The following SCFD2 variants were observed in gnomAD, a reference collection of about 807,000 sequenced individuals.
SCFD2 encodes sec1 family domain containing 2, also known as sec1 family domain-containing protein 2.
SCFD2 carries 54 observed loss-of-function variants against 58.9 expected under a neutral mutation model. That is an observed-to-expected ratio of 0.92 (90% CI 0.74 to 1.15). SCFD2 has a LOEUF of 1.15. Ranked by LOEUF, SCFD2 falls within the 50% of genes most tolerant of loss-of-function variation. The pLI, the probability that SCFD2 is intolerant of heterozygous loss-of-function variation, is 0.00. For missense variants in SCFD2, 805 were observed against 836.6 expected (o/e 0.96, Z 0.47); for synonymous variants, 321 against 335.9 (o/e 0.96, Z 0.49).
intron 3 of SCFD2, among the ~76,000 whole-genome samples, chr4:53,306,192 TTTTA>T (rs1464560068): frequency 1.3e-5 from 2 of 152,180 alleles, no homozygotes; most frequent in Non-Finnish European, 2.9e-5. Flanking sequence ...GTTTTATGTT[TTTTA>T]TTTATTTTGG....
At chr4:52,928,329 G>C (rs1719909629) in intron 5 of SCFD2, among the ~76,000 whole-genome samples, 1 of 152,144 alleles carries the variant, frequency 6.6e-6, no homozygotes, top group African/African-American at 2.4e-5. Flanking sequence ...GTGAGATTCT[G>C]TCTCAAGAAA....
At chr4:53,298,699 A>G (rs1732146616) in intron 3 of SCFD2, among the ~76,000 whole-genome samples, 2 of 152,192 alleles carry the variant, frequency 1.3e-5, no homozygotes, top group African/African-American at 2.4e-5. Context: ...ACCCCCCAGT[A>G]GCGGTGAACT....
At chr4:52,997,083 T>C (rs1270202482) in intron 5 of SCFD2, among the ~76,000 whole-genome samples, 4 of 152,224 alleles carry the variant, frequency 2.6e-5, no homozygotes, top group Non-Finnish European at 5.9e-5. Flanking sequence ...GGCCAGCTAT[T>C]GACTAGGTTT....
chr4:53,303,221 C>T (rs904592936), intron 3 of SCFD2, among the ~76,000 whole-genome samples: 1 of 152,132 alleles, frequency 6.6e-6, no homozygotes, highest in Non-Finnish European at 1.5e-5. Context: ...TGGCTAATAT[C>T]CAGAATGTAC....
chr4:53,141,327 C>A (rs536491383), intron 5 of SCFD2, among the ~76,000 whole-genome samples: 15 of 152,158 alleles, frequency 9.9e-5, no homozygotes, highest in Admixed American at 2.0e-4. Context: ...ATACATATAT[C>A]TCTCTAATTG....
intron 4 of SCFD2, among the ~76,000 whole-genome samples, chr4:53,176,720 C>A (rs1316728459): frequency 6.6e-6 from 1 of 152,112 alleles, no homozygotes; most frequent in African/African-American, 2.4e-5. Context: ...GAGTCCAAGG[C>A]GGGTGAATCA....
At chr4:53,228,838 T>A (rs1425891557) in intron 4 of SCFD2, among the ~76,000 whole-genome samples, 1 of 152,218 alleles carries the variant, frequency 6.6e-6, no homozygotes, top group Non-Finnish European at 1.5e-5. Flanking sequence ...ATTGTCCCTG[T>A]TTGCAGATGA....
chr4:53,296,054 G>A (rs530590959), intron 3 of SCFD2, among the ~76,000 whole-genome samples: 6 of 152,058 alleles, frequency 3.9e-5, no homozygotes, highest in South Asian at 2.1e-4. Flanking sequence ...TTTTATTGAC[G>A]ATTTTCACAT....
At chr4:53,190,342 TCTC>T (rs1727856445) in intron 4 of SCFD2, among the ~76,000 whole-genome samples, 1 of 152,130 alleles carries the variant, frequency 6.6e-6, no homozygotes, top group South Asian at 2.1e-4. Context: ...CCTCGGCTGT[TCTC>T]CTTGCCTGCT....
chr4:53,326,494 T>A (rs528934568), intron 2 of SCFD2, among the ~76,000 whole-genome samples: 1 of 151,954 alleles, frequency 6.6e-6, no homozygotes, highest in Non-Finnish European at 1.5e-5. Context: ...AGAGCTTCCT[T>A]AACCTGATAA....
intron 3 of SCFD2, among the ~76,000 whole-genome samples, chr4:53,309,641 C>T (rs1407977079): frequency 6.6e-6 from 1 of 152,014 alleles, no homozygotes; most frequent in African/African-American, 2.4e-5. Flanking sequence ...TAAAAAAAGA[C>T]AGGGTTATCA....
intron 5 of SCFD2, among the ~76,000 whole-genome samples, chr4:53,131,078 C>T (rs1264218409): frequency 1.3e-5 from 2 of 152,028 alleles, no homozygotes; most frequent in Non-Finnish European, 2.9e-5. Flanking sequence ...GATTTTAAAT[C>T]ATTAAGCATA....
intron 3 of SCFD2, among the ~76,000 whole-genome samples, chr4:53,287,895 TA>T (rs1398586118): frequency 1.3e-5 from 2 of 151,662 alleles, no homozygotes; most frequent in African/African-American, 4.9e-5. Flanking sequence ...ATAAAAATCA[TA>T]AAAAAGGACC....
At chr4:53,030,611 G>A (rs183596675) in intron 5 of SCFD2, among the ~76,000 whole-genome samples, 48 of 152,146 alleles carry the variant, frequency 3.2e-4, no homozygotes, top group Non-Finnish European at 5.3e-4. Flanking sequence ...TAGTAGAGAC[G>A]GAGTTTCACC....
At chr4:52,987,028 A>AT (rs1177420773) in intron 5 of SCFD2, among the ~76,000 whole-genome samples, 1 of 151,440 alleles carries the variant, frequency 6.6e-6, no homozygotes, top group Admixed American at 6.6e-5. Context: ...GTTTGAAAGG[A>AT]TTTTTTTTAT....
chr4:53,064,098 G>A (rs1426891255), intron 5 of SCFD2, among the ~76,000 whole-genome samples: 1 of 151,668 alleles, frequency 6.6e-6, no homozygotes, highest in Admixed American at 6.6e-5. Context: ...TTCTAAAAAT[G>A]TTGTTTTCTT....
At chr4:53,282,860 G>A (rs1049420050) in intron 3 of SCFD2, among the ~76,000 whole-genome samples, 2 of 152,020 alleles carry the variant, frequency 1.3e-5, no homozygotes, top group African/African-American at 4.8e-5. Flanking sequence ...GTGAAAGAGC[G>A]ATGGATGAGT....
At chr4:53,332,109 T>G (rs577271049) in intron 2 of SCFD2, among the ~76,000 whole-genome samples, 1 of 151,632 alleles carries the variant, frequency 6.6e-6, no homozygotes, top group Non-Finnish European at 1.5e-5. Flanking sequence ...TAATCAATAG[T>G]TTACCAACCA....
At chr4:53,037,460 T>C (rs1330959589) in intron 5 of SCFD2, among the ~76,000 whole-genome samples, 1 of 152,074 alleles carries the variant, frequency 6.6e-6, no homozygotes, top group East Asian at 1.9e-4. Context: ...AGCTATAAAA[T>C]CTTATGTCTC....
Sources: gnomAD v4.1 joint callset for allele counts (sites outside exome capture counted in the v4.1 genomes callset) on GRCh38, gnomAD v4.1.1 for gene constraint, MANE v1.5 for transcripts, NCBI Gene and HGNC (gene_info 2026-07-23, HGNC 2026-07-21) for gene names.